WNT3A: variants seen among roughly 807,000 people sequenced by gnomAD.
WNT3A encodes Wnt family member 3A.
WNT3A carries 17 observed loss-of-function variants against 37.0 expected under a neutral mutation model. That is an observed-to-expected ratio of 0.46 (90% confidence interval 0.31 to 0.69). WNT3A has a LOEUF of 0.69. WNT3A is among the 30% of genes least tolerant of loss of function. The probability of loss-of-function intolerance (pLI) is 0.05; values close to 1 mark genes in which losing one functional copy is unlikely to be tolerated. For missense variants in WNT3A, 411 were observed against 510.2 expected (o/e 0.81, Z 1.87); for synonymous variants, 187 against 211.0 (o/e 0.89, Z 0.99).
rs745818320 is a variant in WNT3A, at chr1:228,059,389, G to A, written c.983G>A (p.Arg328His). 1.2e-5 allele frequency: 18 copies of A among 1,560,002 alleles called. No homozygotes were observed. In the Admixed American group the frequency reaches 2.4e-4, roughly 21 times the overall value. The change falls in exon 4 of 4, where the codon CGC becomes CAC. Residue 328 changes from arginine (R) to histidine (H), a missense_variant. By Grantham distance (29) the Arg-to-His change is conservative. Coordinates refer to ENST00000284523, the MANE Select transcript of WNT3A (RefSeq NM_033131.4). ...ARAERRREKC[R>H]CVFHWCCYVS... Reference sequence around the variant, plus strand: ...GCGGAGCGGCGCCGGGAGAAGTGCCGCTGCGTGTTCCACTGGTGCTGCTAC... The same window carrying A: ...GCGGAGCGGCGCCGGGAGAAGTGCCACTGCGTGTTCCACTGGTGCTGCTAC...
At position 228,013,331 on chromosome 1, in the gene WNT3A, G is replaced by A. The variant is rs567684298; in HGVS notation, c.71+6132G>A. The stretch of plus-strand genomic sequence containing the variant: ...GTTACAGCCCTGAGGCTGGTGAGGG[G>A]CACATGGCCTCTTCCTTGGCCTCCC... On this transcript the variant is annotated intron_variant, in intron 1 of 3. Coordinates refer to ENST00000284523, the MANE Select transcript of WNT3A (RefSeq NM_033131.4). Among the ~76,000 whole-genome samples the A allele has an allele frequency of 1.1e-4, 16 of 152,348 alleles. No individual in the cohort carries two copies. In the South Asian group the frequency reaches 2.3e-3, roughly 22 times the overall value.
chr1:228,017,089 G>A lies in WNT3A; in HGVS notation c.72-5578G>A, dbSNP rs577060270. ...CAGTGGCCCCTGGAGGCCAACATGC[G>A]GGAAGCCCTGTTCTGCTGTATTAGC... On this transcript the variant is annotated intron_variant, in intron 1 of 3. Transcript: ENST00000284523. Among the ~76,000 whole-genome samples, 16 of 152,226 alleles carry A rather than the reference G, an allele frequency of 1.1e-4. No homozygotes were observed. In the South Asian group the frequency reaches 1.9e-3, roughly 18 times the overall value.
intron 3 of WNT3A, among the ~76,000 whole-genome samples, chr1:228,057,684 T>C (rs1351473563): frequency 6.6e-6 from 1 of 152,120 alleles, no homozygotes; most frequent in Non-Finnish European, 1.5e-5. Context: ...GTTGAAGCCT[T>C]AGATTAGAAC....
intron 1 of WNT3A, among the ~76,000 whole-genome samples, chr1:228,012,279 T>C (rs1427059600): frequency 3.3e-5 from 5 of 152,206 alleles, no homozygotes; most frequent in East Asian, 1.9e-4. Context: ...AGGGACCCCG[T>C]TGGGGCTTCT....
At chr1:228,052,336 G>T (rs978485770) in intron 3 of WNT3A, among the ~76,000 whole-genome samples, 1 of 152,154 alleles carries the variant, frequency 6.6e-6, no homozygotes, top group Non-Finnish European at 1.5e-5. Flanking sequence ...TGGAGATAGG[G>T]TTTCACCATG....
chr1:228,027,801 G>A (rs58389699), intron 2 of WNT3A, among the ~76,000 whole-genome samples: 2,881 of 152,076 alleles, frequency 0.019, 107 homozygotes, highest in African/African-American at 0.066. Context: ...ATTTATTTTT[G>A]TTTTTGTTGC....
intron 2 of WNT3A, among the ~76,000 whole-genome samples, chr1:228,046,575 G>A (rs111163647): frequency 0.012 from 1,823 of 151,594 alleles, 12 homozygotes; most frequent in Non-Finnish European, 0.02. Context: ...TGTGCATGGG[G>A]TGGGGTGTGT....
Position 228,028,759 on chromosome 1 carries a change from A to G in WNT3A, c.313+5851A>G, listed in dbSNP as rs369947356. Among the ~76,000 whole-genome samples the G allele has an allele frequency of 2.2e-4, 33 of 152,328 alleles. No individual in the cohort carries two copies. The East Asian group carries it at 3.5e-3, about 16-fold the overall frequency. Reference sequence around the variant, plus strand: ...TTCACAATATTGATTTTTACTGTCCATGAGCATGGGATGTGTTTCTGTTTG... The same window carrying G: ...TTCACAATATTGATTTTTACTGTCCGTGAGCATGGGATGTGTTTCTGTTTG... On this transcript the variant is annotated intron_variant, in intron 2 of 3. Coordinates refer to ENST00000284523, the MANE Select transcript of WNT3A (RefSeq NM_033131.4).
At chr1:228,045,980 A>G (rs1213720523) in intron 2 of WNT3A, among the ~76,000 whole-genome samples, 4 of 152,236 alleles carry the variant, frequency 2.6e-5, no homozygotes, top group Non-Finnish European at 5.9e-5. Context: ...GGAGGGAGTC[A>G]GTGGGCAAAT....
At chr1:228,027,619 ATTAT>A (rs1447312804) in intron 2 of WNT3A, among the ~76,000 whole-genome samples, 1 of 151,672 alleles carries the variant, frequency 6.6e-6, no homozygotes, top group Non-Finnish European at 1.5e-5. Flanking sequence ...TTTTAATGGG[ATTAT>A]TTGTTTTTTC....
intron 1 of WNT3A, among the ~76,000 whole-genome samples, chr1:228,021,004 C>T (rs2030689897): frequency 6.6e-6 from 1 of 152,178 alleles, no homozygotes; most frequent in African/African-American, 2.4e-5. Flanking sequence ...TCCACCAGTG[C>T]CCAAAAGGAC....
Position 228,015,195 on chromosome 1 carries a change from C to T in WNT3A, c.72-7472C>T, listed in dbSNP as rs149869037. ...TTCTGGGGCCTTCTGGATGATCACACGATGGTTCCACTAGGTCTTGTGGTG... is the reference window on the plus strand; with the variant it reads ...TTCTGGGGCCTTCTGGATGATCACATGATGGTTCCACTAGGTCTTGTGGTG... On this transcript the variant is annotated intron_variant, in intron 1 of 3. Transcript: ENST00000284523. Among the ~76,000 whole-genome samples, 404 of 152,310 alleles carry T rather than the reference C, an allele frequency of 2.7e-3. 3 individuals are homozygous for T. The highest frequency in any genetic ancestry group is 9.2e-3 in the African/African-American group (384 of 41,570).
In WNT3A at chr1:228,011,590, C is replaced by T. The variant is rs376695148; in HGVS notation, c.71+4391C>T. ...TGTCTCTATCTCTCTGTGTCTGTCT[C>T]TCTCTTTCAGTCTTTGTCCTGTCTC... is the stretch of plus-strand genomic sequence containing the variant. On this transcript the variant is annotated intron_variant, in intron 1 of 3. Coordinates refer to ENST00000284523, the MANE Select transcript of WNT3A (RefSeq NM_033131.4). Among the ~76,000 whole-genome samples, 53 of 152,310 alleles carry T rather than the reference C, an allele frequency of 3.5e-4. 1 individual carries two copies. In the East Asian group the frequency reaches 6.7e-3, roughly 19 times the overall value.
At chr1:228,019,343 G>C (rs1438124299) in intron 1 of WNT3A, among the ~76,000 whole-genome samples, 1 of 152,228 alleles carries the variant, frequency 6.6e-6, no homozygotes, top group Non-Finnish European at 1.5e-5. Flanking sequence ...GAGAAGGGAT[G>C]AGCCTTGGAA....
intron 1 of WNT3A, among the ~76,000 whole-genome samples, chr1:228,009,445 A>G (rs1294993073): frequency 6.6e-6 from 1 of 152,172 alleles, no homozygotes; most frequent in Non-Finnish European, 1.5e-5. Flanking sequence ...TCTTCTACCC[A>G]GTAGAGCATC....
rs2031007376 is a variant in WNT3A at position 228,031,479 on chromosome 1, T to C, written c.313+8571T>C. Among the ~76,000 whole-genome samples the C allele has an allele frequency of 6.6e-6, 1 of 152,100 alleles. No individual in the cohort carries two copies. Among genetic ancestry groups the C allele is most frequent in the African/African-American group, 2.4e-5 (1 of 41,432 alleles). On this transcript the variant is annotated intron_variant, in intron 2 of 3. Transcript: ENST00000284523. The surrounding 1 kb of genome is among the most constrained non-coding windows in gnomAD (Gnocchi z 4.8). Reference sequence around the variant, plus strand: ...AGGGCCGTGCAGCTCATCGAGCGTGTCCAAGGGTGTGTGTGGCGTGTGATG... The same window carrying C: ...AGGGCCGTGCAGCTCATCGAGCGTGCCCAAGGGTGTGTGTGGCGTGTGATG...
intron 3 of WNT3A, 129 bp downstream of exon 3, chr1:228,051,050 T>A: frequency 4.1e-6 from 5 of 1,211,170 alleles, no homozygotes; most frequent in Non-Finnish European, 5.6e-6. Flanking sequence ...TCTCGACCCC[T>A]GCCTGGGGTG....
Position 228,039,877 on chromosome 1 carries a change from C to T in WNT3A, c.314-10779C>T, listed in dbSNP as rs1294335732. ...ATTGTCCTATGGTCGCATTTAACAA[C>T]AATCCCCACCCCCTGACCCAGAACT... On this transcript the variant is annotated intron_variant, in intron 2 of 3. Coordinates refer to ENST00000284523, the MANE Select transcript of WNT3A (RefSeq NM_033131.4). This position sits in a 1 kb window ranked among gnomAD's most constrained non-coding sequence, Gnocchi z 4.1. Among the ~76,000 whole-genome samples, 1 of 152,196 alleles carries T rather than the reference C, an allele frequency of 6.6e-6. No individual in the cohort carries two copies. Among genetic ancestry groups the T allele is most frequent in the Non-Finnish European group, 1.5e-5 (1 of 68,034 alleles).
chr1:228,013,577 G>C (rs529006357), intron 1 of WNT3A, among the ~76,000 whole-genome samples: 148 of 152,318 alleles, frequency 9.7e-4, no homozygotes, highest in Admixed American at 1.8e-3. Context: ...GCTCCAGGCA[G>C]GGCTGGGCAG....
Sources: gnomAD v4.1 joint callset for allele counts (sites outside exome capture counted in the v4.1 genomes callset) on GRCh38, gnomAD v4.1.1 for gene constraint, Gnocchi (gnomAD v3.1) non-coding constraint, MANE v1.5 for transcripts, NCBI Gene and HGNC (gene_info 2026-07-23, HGNC 2026-07-21) for gene names.